Variants in MAP3K9 observed in about 807,000 individuals in gnomAD.
MAP3K9 encodes the protein mixed lineage kinase 1 (tyr and ser/thr specificity).
Under a neutral mutation model 95.8 loss-of-function variants are expected in MAP3K9, and 46 were observed. The observed-to-expected ratio is 0.48, with a 90% CI of 0.38 to 0.61. The LOEUF is 0.61. Among genes scored for constraint, MAP3K9 ranks in the 20% least tolerant of loss-of-function variants. MAP3K9 has a pLI of 0.00. For missense variants in MAP3K9, 1,296 were observed against 1,474.3 expected, an observed-to-expected ratio of 0.88 and a Z score of 1.98; for synonymous variants, 533 against 593.8, an observed-to-expected ratio of 0.90 and a Z score of 1.49.
In MAP3K9 at chr14:70,774,705, G is replaced by C. The variant is rs1255340715; in HGVS notation, c.821-13523C>G. ...ACAACAACAAAATGTATGTCAAAAA[G>C]GCCAGGCACGGTGGCTCACGCCTGT... On this transcript the variant is annotated intron_variant, in intron 2 of 11. Coordinates refer to ENST00000554752, the MANE Select transcript of MAP3K9 (RefSeq NM_001284230.2). Among the ~76,000 whole-genome samples, 9 of 151,578 alleles carry C rather than the reference G, an allele frequency of 5.9e-5. No individual in the cohort carries two copies. The South Asian group carries it at 8.4e-4, about 14-fold the overall frequency.
At chr14:70,779,619 A>C (rs1182699077) in intron 2 of MAP3K9, among the ~76,000 whole-genome samples, 2 of 152,190 alleles carry the variant, frequency 1.3e-5, no homozygotes, top group African/African-American at 4.8e-5. Flanking sequence ...CTCTAGGCTA[A>C]CATTCACCCA....
chr14:70,779,873 T>C (rs2054650944), intron 2 of MAP3K9, among the ~76,000 whole-genome samples: 1 of 152,220 alleles, frequency 6.6e-6, no homozygotes, highest in African/African-American at 2.4e-5. Flanking sequence ...CACTTTGCAA[T>C]GTCAGCCAAG....
At chr14:70,740,631 G>A (rs1475007191) in intron 6 of MAP3K9, among the ~76,000 whole-genome samples, 4 of 152,180 alleles carry the variant, frequency 2.6e-5, no homozygotes, top group Non-Finnish European at 5.9e-5. Context: ...AGCCCTTGTG[G>A]GAACCTAGGG....
At chr14:70,796,424 AG>A (rs1235513304) in intron 2 of MAP3K9, among the ~76,000 whole-genome samples, 2 of 152,200 alleles carry the variant, frequency 1.3e-5, no homozygotes, top group Non-Finnish European at 2.9e-5. Flanking sequence ...TAGACATCTG[AG>A]GTAACAGTTC....
rs909851769 is a variant in MAP3K9 at position 70,732,814 on chromosome 14, G to T, written c.2555C>A (p.Ser852Tyr). ...ATACACGACAATTTCATCGCTGTCGGAGCGCAGCAGGGAGCGTGTGGAGTT... is the reference window on the plus strand; with the variant it reads ...ATACACGACAATTTCATCGCTGTCGTAGCGCAGCAGGGAGCGTGTGGAGTT... The part of the protein sequence containing the change: ...ECNSTRSLLR[S>Y]DSDEIVVYEM... The change falls in exon 11 of 12, where the codon TCC becomes TAC. Residue 852 changes from serine to tyrosine, a missense_variant. Transcript: ENST00000554752. The T allele has an allele frequency of 6.2e-7, 1 of 1,614,142 alleles. No homozygotes were observed. Among genetic ancestry groups the T allele is most frequent in the East Asian group, 2.2e-5 (1 of 44,866 alleles).
intron 5 of MAP3K9, among the ~76,000 whole-genome samples, chr14:70,744,219 A>G (rs1249564902): frequency 6.6e-6 from 1 of 152,118 alleles, no homozygotes; most frequent in East Asian, 1.9e-4. Context: ...GGGGAGGGAG[A>G]GCATTAGGAA....
In MAP3K9 at chr14:70,794,639, T is replaced by C. The variant is rs561695347; in HGVS notation, c.820+6028A>G. Among the ~76,000 whole-genome samples, 10 of 152,120 alleles carry C rather than the reference T, an allele frequency of 6.6e-5. No individual in the cohort carries two copies. In the East Asian group the frequency reaches 1.9e-3, roughly 29 times the overall value. ...ACAGAAAAACTGGAAAAACACACAGTGTTTTTACCCCTGTTTTTCCGTTTT... is the reference window on the plus strand; with the variant it reads ...ACAGAAAAACTGGAAAAACACACAGCGTTTTTACCCCTGTTTTTCCGTTTT... On this transcript the variant is annotated intron_variant, in intron 2 of 11. Coordinates refer to ENST00000554752, the MANE Select transcript of MAP3K9 (RefSeq NM_001284230.2).
intron 2 of MAP3K9, among the ~76,000 whole-genome samples, chr14:70,761,622 G>A (rs2054376467): frequency 6.6e-6 from 1 of 152,158 alleles, no homozygotes; most frequent in Non-Finnish European, 1.5e-5. Flanking sequence ...AAATTAGCTA[G>A]GTGTGGTAGT....
chr14:70,725,314 T>C lies in MAP3K9; in HGVS notation c.*5066A>G, dbSNP rs1463971022. On this transcript the variant is annotated 3_prime_UTR_variant, in exon 12 of 12. Transcript: ENST00000554752. ...TACTTCCAGGGCCCAAGACGGGAAATGGATGAGGAAGCGGGTGGACATGAC... is the reference window on the plus strand; with the variant it reads ...TACTTCCAGGGCCCAAGACGGGAAACGGATGAGGAAGCGGGTGGACATGAC... 6.6e-6 allele frequency: 1 copy of C among 152,112 alleles called. No individual in the cohort carries two copies. Among genetic ancestry groups the C allele is most frequent in the African/African-American group, 2.4e-5 (1 of 41,394 alleles). 9.4% of individuals were successfully genotyped at this position (152,112 alleles called of 1,614,324 possible).
intron 5 of MAP3K9, among the ~76,000 whole-genome samples, chr14:70,743,850 A>G (rs997378250): frequency 3.3e-5 from 5 of 152,254 alleles, no homozygotes; most frequent in African/African-American, 2.4e-5. Flanking sequence ...CAATCCCATT[A>G]CTGGGTATAT....
intron 8 of MAP3K9, among the ~76,000 whole-genome samples, chr14:70,736,392 C>T (rs553287149): frequency 3.6e-4 from 55 of 152,228 alleles, no homozygotes; most frequent in African/African-American, 1.3e-3. Context: ...TTGTTCATCA[C>T]GTGTTTTCTT....
At chr14:70,751,108 C>G (rs1218345100) in intron 3 of MAP3K9, among the ~76,000 whole-genome samples, 1 of 152,216 alleles carries the variant, frequency 6.6e-6, no homozygotes, top group Admixed American at 6.5e-5. Context: ...ATCGGTAGAA[C>G]AGAGCAGCGC....
intron 1 of MAP3K9, among the ~76,000 whole-genome samples, chr14:70,807,910 C>A (rs1445161115): frequency 6.6e-6 from 1 of 152,126 alleles, no homozygotes; most frequent in Admixed American, 6.6e-5. Flanking sequence ...GAGAAAGGCC[C>A]TGGGAGGGAC....
At chr14:70,783,578 G>A in intron 2 of MAP3K9, 1 of 166,250 alleles carries the variant, frequency 6.0e-6, no homozygotes, top group Non-Finnish European at 1.2e-5. Flanking sequence ...TTCACTCATT[G>A]ATAGTCCAGG....
intron 2 of MAP3K9, among the ~76,000 whole-genome samples, chr14:70,786,828 C>T (rs1305776067): frequency 6.6e-6 from 1 of 152,224 alleles, no homozygotes; most frequent in African/African-American, 2.4e-5. Flanking sequence ...AATCCAAAAT[C>T]TATCGCTATT....
rs562302052 is a variant in MAP3K9 at position 70,778,682 on chromosome 14, T to C, written c.821-17500A>G. Reference sequence around the variant, plus strand: ...CATGGCAGGCACCATGCTAAGCATTTTACGTGCAGTACTTATATAAAAACA... The same window carrying C: ...CATGGCAGGCACCATGCTAAGCATTCTACGTGCAGTACTTATATAAAAACA... On this transcript the variant is annotated intron_variant, in intron 2 of 11. Coordinates refer to ENST00000554752, the MANE Select transcript of MAP3K9 (RefSeq NM_001284230.2). Among the ~76,000 whole-genome samples, 27 of 152,308 alleles carry C rather than the reference T, an allele frequency of 1.8e-4. No individual in the cohort carries two copies. In the South Asian group the frequency reaches 3.5e-3, roughly 20 times the overall value.
chr14:70,790,654 T>C (rs868700409), intron 2 of MAP3K9, among the ~76,000 whole-genome samples: 2 of 152,246 alleles, frequency 1.3e-5, no homozygotes, highest in Admixed American at 6.5e-5. Flanking sequence ...TATCCACATT[T>C]TGCATGGAAC....
chr14:70,731,145 G>A (rs1324529658), intron 11 of MAP3K9, among the ~76,000 whole-genome samples: 1 of 151,828 alleles, frequency 6.6e-6, no homozygotes, highest in African/African-American at 2.4e-5. Flanking sequence ...GGCCACCTGT[G>A]TTTATAAACA....
At chr14:70,745,503 C>T (rs956310165) in intron 5 of MAP3K9, among the ~76,000 whole-genome samples, 5 of 152,034 alleles carry the variant, frequency 3.3e-5, no homozygotes, top group Admixed American at 6.5e-5. Context: ...TTTGGGAGTC[C>T]GAGGCAGGCG....
Sources: gnomAD v4.1 joint callset for allele counts (sites outside exome capture counted in the v4.1 genomes callset) on GRCh38, gnomAD v4.1.1 for gene constraint, MANE v1.5 for transcripts, NCBI Gene and HGNC (gene_info 2026-07-23, HGNC 2026-07-21) for gene names.